The following VSTM4 variants were observed in gnomAD, a reference collection of about 807,000 sequenced individuals.
VSTM4 encodes V-set and transmembrane domain containing 4.
In VSTM4, 20 loss-of-function variants were observed where a neutral mutation model predicts 36.4. The ratio of observed to expected loss-of-function variants is 0.55; its 90% CI spans 0.39 to 0.80. The LOEUF is 0.80. VSTM4 is among the 30% of genes least tolerant of loss of function. VSTM4 has a pLI of 0.00. For missense variants in VSTM4, 392 were observed against 404.5 expected (o/e 0.97, Z 0.26); for synonymous variants, 182 against 173.9 (o/e 1.05, Z -0.37).
chr10:49,064,926 T>C (rs965843546), intron 4 of VSTM4, among the ~76,000 whole-genome samples, 190 bp from the exon 5 acceptor site: 2 of 152,188 alleles, frequency 1.3e-5, no homozygotes, highest in African/African-American at 4.8e-5. Context: ...CAACAGTGAC[T>C]GGATATGTCC....
At chr10:49,037,323 A>G (rs1843446553) in intron 7 of VSTM4, among the ~76,000 whole-genome samples, 2 of 152,212 alleles carry the variant, frequency 1.3e-5, no homozygotes, top group South Asian at 4.1e-4. Context: ...ACTGTTTATC[A>G]TATTCATCTG....
At chr10:49,064,772 A>G (rs1165785680) in intron 4 of VSTM4, 36 bp from the exon 5 acceptor site, 2 of 1,598,870 alleles carry the variant, frequency 1.3e-6, no homozygotes, top group East Asian at 2.2e-5. Flanking sequence ...TGGTAAACCA[A>G]TGCTACTTCA....
intron 4 of VSTM4, among the ~76,000 whole-genome samples, chr10:49,074,721 C>A (rs1844143782): frequency 6.6e-6 from 1 of 152,184 alleles, no homozygotes; most frequent in Non-Finnish European, 1.5e-5. Context: ...CTGGCTAGAG[C>A]TGTCTTGGAA....
At chr10:49,065,087 C>T (rs1003627862) in intron 4 of VSTM4, among the ~76,000 whole-genome samples, 2 of 152,160 alleles carry the variant, frequency 1.3e-5, no homozygotes, top group Non-Finnish European at 2.9e-5. Flanking sequence ...CTCTTGAGGC[C>T]AGATGGAATA....
At chr10:49,056,524 A>C (rs1018163128) in intron 5 of VSTM4, among the ~76,000 whole-genome samples, 3 of 152,196 alleles carry the variant, frequency 2.0e-5, no homozygotes, top group African/African-American at 7.2e-5. Flanking sequence ...AGGAAGAGAG[A>C]TGACTCATTC....
At chr10:49,041,933 C>T (rs1843527180) in intron 7 of VSTM4, among the ~76,000 whole-genome samples, 2 of 152,138 alleles carry the variant, frequency 1.3e-5, no homozygotes, top group African/African-American at 4.8e-5. Flanking sequence ...GGGTAAGAGA[C>T]TGGATTAGAA....
At chr10:49,102,760 G>T in intron 2 of VSTM4, 1 of 985,408 alleles carries the variant, frequency 1.0e-6, no homozygotes, top group Non-Finnish European at 1.2e-6. Flanking sequence ...ACTTGACAAA[G>T]AACATTTTAT....
rs868039394 is a variant in VSTM4, at chr10:49,048,491, T to C, written c.762A>G (p.Ala254=). The part of the protein sequence containing the change: ...RQKEKPDIPP[A]VPAKAPIAPT... ...CCAGCTCCTTACCTTTGGCAGGGAC[T>C]GCGGGAGGAATGTCAGGCTTCTCCT... is the stretch of plus-strand genomic sequence containing the variant. The change falls in exon 6 of 8, where the codon GCA becomes GCG. Residue 254 remains alanine, a synonymous_variant. Coordinates refer to ENST00000332853, the MANE Select transcript of VSTM4 (RefSeq NM_001031746.5). 1 of 1,594,100 alleles carries C rather than the reference T, an allele frequency of 6.3e-7. No individual in the cohort carries two copies. Among genetic ancestry groups the C allele is most frequent in the Non-Finnish European group, 8.5e-7 (1 of 1,173,514 alleles).
chr10:49,023,049 A>C (rs1206269039), intron 7 of VSTM4, among the ~76,000 whole-genome samples: 1 of 152,206 alleles, frequency 6.6e-6, no homozygotes, highest in Non-Finnish European at 1.5e-5. Flanking sequence ...AAACAAATAA[A>C]AGTAGTACTT....
chr10:49,057,547 C>G lies in VSTM4; in HGVS notation c.668+7156G>C, dbSNP rs149611750. Among the ~76,000 whole-genome samples the G allele has an allele frequency of 2.0e-5, 3 of 152,180 alleles. No individual in the cohort carries two copies. In the South Asian group the frequency reaches 6.2e-4, roughly 32 times the overall value. ...CAACTCTACCTGACACTGAAGCTGT[C>G]GGAATCCAGGTGCATATTCTTTATG... On this transcript the variant is annotated intron_variant, in intron 5 of 7. Transcript: ENST00000332853.
chr10:49,064,677 T>C (rs1156665125), intron 5 of VSTM4, 26 bp downstream of exon 5: 3 of 1,601,460 alleles, frequency 1.9e-6, no homozygotes, highest in African/African-American at 1.4e-5. Flanking sequence ...GAGTTTCATC[T>C]GAAAAAAGGA....
chr10:49,051,407 T>C (rs1293494825), intron 5 of VSTM4, among the ~76,000 whole-genome samples: 1 of 150,920 alleles, frequency 6.6e-6, no homozygotes, highest in African/African-American at 2.4e-5. Context: ...TTTTTTTTTT[T>C]TCTTTTTTGA....
chr10:49,109,912 T>C (rs1159913064), intron 1 of VSTM4, among the ~76,000 whole-genome samples: 2 of 152,144 alleles, frequency 1.3e-5, no homozygotes, highest in Non-Finnish European at 2.9e-5. Context: ...CCATGGGCCA[T>C]GTTAAATTAG....
chr10:49,100,264 T>C (rs867391102), intron 2 of VSTM4, among the ~76,000 whole-genome samples: 15 of 151,884 alleles, frequency 9.9e-5, no homozygotes, highest in Middle Eastern at 3.4e-3. Flanking sequence ...CACAGTAGTG[T>C]CATACAGAAA....
intron 3 of VSTM4, among the ~76,000 whole-genome samples, chr10:49,080,674 G>C (rs1461587514): frequency 6.6e-6 from 1 of 152,198 alleles, no homozygotes; most frequent in South Asian, 2.1e-4. Flanking sequence ...AGGAGGGCTG[G>C]GGCGAGAGTT....
chr10:49,097,746 G>T (rs1844598000), intron 2 of VSTM4, among the ~76,000 whole-genome samples: 1 of 152,168 alleles, frequency 6.6e-6, no homozygotes, highest in Non-Finnish European at 1.5e-5. Context: ...TCACTTACAT[G>T]AGACATTTTG....
chr10:49,077,582 A>G (rs1272313870), intron 3 of VSTM4, among the ~76,000 whole-genome samples: 2 of 152,238 alleles, frequency 1.3e-5, no homozygotes, highest in African/African-American at 4.8e-5. Flanking sequence ...AGTTTCTTCA[A>G]TCAATGGTGC....
chr10:49,058,493 C>G (rs2131971585), intron 5 of VSTM4, among the ~76,000 whole-genome samples: 1 of 152,288 alleles, frequency 6.6e-6, no homozygotes, highest in African/African-American at 2.4e-5. Context: ...TTGAACCTCA[C>G]AGATCCCTGA....
chr10:49,090,069 A>C (rs1844444693), intron 2 of VSTM4, among the ~76,000 whole-genome samples: 1 of 152,264 alleles, frequency 6.6e-6, no homozygotes, highest in African/African-American at 2.4e-5. Context: ...GAATGCTTTG[A>C]GAAAAAATTT....
Sources: allele counts gnomAD v4.1 joint callset (sites outside exome capture counted in the v4.1 genomes callset), GRCh38; gene constraint gnomAD v4.1.1; transcripts MANE v1.5; gene names NCBI Gene and HGNC (gene_info 2026-07-23, HGNC 2026-07-21).